Variants in PCSK6 observed in about 807,000 individuals in gnomAD.
PCSK6 encodes proprotein convertase subtilisin/kexin type 6, also known as paired basic amino acid cleaving enzyme 4.
Under a neutral mutation model 123.3 loss-of-function variants are expected in PCSK6, and 85 were observed. That is an observed-to-expected ratio of 0.69 (90% CI 0.58 to 0.83). The LOEUF (loss-of-function observed/expected upper bound fraction) is 0.83. PCSK6 is among the 40% of genes least tolerant of loss of function. PCSK6 has a pLI of 0.00. For missense variants in PCSK6, 1,191 were observed against 1,282.3 expected (o/e 0.93, Z 1.09); for synonymous variants, 508 against 516.0 (o/e 0.98, Z 0.21).
intron 8 of PCSK6, 108 bp from the exon 9 acceptor site, chr15:101,389,672 G>T: frequency 2.5e-6 from 2 of 809,798 alleles, no homozygotes; most frequent in Non-Finnish European, 4.0e-6. Context: ...CGTGACCCTG[G>T]GTCTCGGGAA....
At chr15:101,339,955 A>T (rs2040563059) in intron 13 of PCSK6, among the ~76,000 whole-genome samples, 1 of 151,582 alleles carries the variant, frequency 6.6e-6, no homozygotes, top group Non-Finnish European at 1.5e-5. Flanking sequence ...ACACACAGTA[A>T]TTTTTTGTGT....
In PCSK6 at chr15:101,305,273, G is replaced by C; in HGVS notation, c.2895C>G (p.Cys965Trp). 6.2e-7 allele frequency: 1 copy of C among 1,611,396 alleles called. No homozygotes were observed. Among genetic ancestry groups the C allele is most frequent in the Non-Finnish European group, 8.5e-7 (1 of 1,179,512 alleles). ...KLFIQFCCRT[C>W]LLAG is the part of the protein sequence containing the mutation. The stretch of plus-strand genomic sequence containing the variant: ...CTAGGCACCCTTACCCGGCCAGGAG[G>C]CACGTGCGGCAGCAGAACTGAATGA... The change falls in exon 22 of 22, where the codon TGC becomes TGG. Residue 965 changes from cysteine to tryptophan, a missense_variant. This residue lies in a region of PCSK6 where 630 missense variants were observed against 631.4 expected (regional missense o/e 1.00). Coordinates refer to ENST00000611716, the MANE Select transcript of PCSK6 (RefSeq NM_002570.5). The surrounding 1 kb of genome is among the most constrained non-coding windows in gnomAD (Gnocchi z 4.8).
rs1449665849 is a variant in PCSK6, at chr15:101,352,611, G to C, written c.1858+13585C>G. Among the ~76,000 whole-genome samples, 5 of 151,994 alleles carry C rather than the reference G, an allele frequency of 3.3e-5. No homozygotes were observed. In the South Asian group the frequency reaches 1.0e-3, roughly 32 times the overall value. On this transcript the variant is annotated intron_variant, in intron 13 of 21. Transcript: ENST00000611716. ...AGCATATCTCTGTGGCTTTATTAACGGACTATCCGTACTGTTCCCTTGATC... is the reference window on the plus strand; with the variant it reads ...AGCATATCTCTGTGGCTTTATTAACCGACTATCCGTACTGTTCCCTTGATC...
intron 13 of PCSK6, among the ~76,000 whole-genome samples, chr15:101,341,716 A>G (rs2040612827): frequency 6.6e-6 from 1 of 152,256 alleles, no homozygotes; most frequent in Non-Finnish European, 1.5e-5. Flanking sequence ...GTTTGATAAG[A>G]AATGGTAAAG....
At chr15:101,352,324 T>C (rs991176155) in intron 13 of PCSK6, among the ~76,000 whole-genome samples, 15 of 151,920 alleles carry the variant, frequency 9.9e-5, no homozygotes, top group African/African-American at 3.4e-4. Context: ...ATTTTTTGTA[T>C]TTTTAGTAGA....
chr15:101,393,125 C>T, intron 8 of PCSK6, 87 bp downstream of exon 8: 1 of 1,097,210 alleles, frequency 9.1e-7, no homozygotes, highest in Non-Finnish European at 1.4e-6. Context: ...TCAATCTAAG[C>T]CATCTTTCTG....
chr15:101,425,168 T>G (rs922408315), intron 6 of PCSK6, among the ~76,000 whole-genome samples: 2 of 152,132 alleles, frequency 1.3e-5, no homozygotes, highest in African/African-American at 4.8e-5. Context: ...GGCGTGGGGC[T>G]GGGGTGAGCA....
chr15:101,388,774 G>C (rs911670266), intron 9 of PCSK6, among the ~76,000 whole-genome samples: 2 of 152,214 alleles, frequency 1.3e-5, no homozygotes. Context: ...AAGACGTTAT[G>C]TGAAGTGAAA....
chr15:101,463,094 C>T (rs746594059), intron 1 of PCSK6: 4 of 459,804 alleles, frequency 8.7e-6, no homozygotes, highest in Non-Finnish European at 1.3e-5. Flanking sequence ...TCCTCACCTT[C>T]CTAAAACTGT....
intron 19 of PCSK6, among the ~76,000 whole-genome samples, chr15:101,316,738 G>A (rs912077667): frequency 1.3e-5 from 2 of 152,092 alleles, no homozygotes; most frequent in African/African-American, 4.8e-5. Flanking sequence ...ATCATAGGAG[G>A]ACACTGGCCT....
chr15:101,461,117 C>T (rs1347291155), intron 1 of PCSK6, among the ~76,000 whole-genome samples: 1 of 152,078 alleles, frequency 6.6e-6, no homozygotes, highest in Non-Finnish European at 1.5e-5. Context: ...AAACCCATGG[C>T]ACCACTGATA....
chr15:101,405,261 T>C (rs1309863706), intron 6 of PCSK6, among the ~76,000 whole-genome samples: 1 of 152,228 alleles, frequency 6.6e-6, no homozygotes, highest in Non-Finnish European at 1.5e-5. Context: ...AAATTTGATT[T>C]GGGCAAATTG....
intron 6 of PCSK6, among the ~76,000 whole-genome samples, chr15:101,412,625 T>A (rs1040654640): frequency 1.4e-5 from 2 of 145,236 alleles, no homozygotes; most frequent in African/African-American, 5.1e-5. Flanking sequence ...AATACAATAA[T>A]CAAAAAGCTC....
chr15:101,401,010 G>A (rs1162046793), intron 6 of PCSK6, among the ~76,000 whole-genome samples: 1 of 152,218 alleles, frequency 6.6e-6, no homozygotes, highest in Non-Finnish European at 1.5e-5. Flanking sequence ...AGGCCAGGTA[G>A]GATAGTTGGT....
At chr15:101,344,426 T>C (rs763862031) in intron 13 of PCSK6, among the ~76,000 whole-genome samples, 3 of 152,214 alleles carry the variant, frequency 2.0e-5, no homozygotes, top group Non-Finnish European at 2.9e-5. Context: ...GAGCTACATA[T>C]GAAGCTCCAA....
chr15:101,363,940 C>T lies in PCSK6; in HGVS notation c.1858+2256G>A, dbSNP rs763274203. Among the ~76,000 whole-genome samples, 7 of 152,034 alleles carry T rather than the reference C, an allele frequency of 4.6e-5. No homozygotes were observed. In the East Asian group the frequency reaches 5.8e-4, roughly 13 times the overall value. On this transcript the variant is annotated intron_variant, in intron 13 of 21. Coordinates refer to ENST00000611716, the MANE Select transcript of PCSK6 (RefSeq NM_002570.5). ...GGCATGAGCCACCGCGCCCAGCCAACGCTTTCTTAAAATAGTTATTTACTA... is the reference window on the plus strand; with the variant it reads ...GGCATGAGCCACCGCGCCCAGCCAATGCTTTCTTAAAATAGTTATTTACTA...
intron 13 of PCSK6, among the ~76,000 whole-genome samples, chr15:101,333,083 C>A (rs2040403676): frequency 6.6e-6 from 1 of 152,184 alleles, no homozygotes; most frequent in Admixed American, 6.5e-5. Flanking sequence ...CAAAGAGCAT[C>A]TATGCAATTA....
intron 6 of PCSK6, among the ~76,000 whole-genome samples, chr15:101,411,430 C>T (rs1041018707): frequency 5.9e-5 from 9 of 152,114 alleles, no homozygotes; most frequent in African/African-American, 2.2e-4. Context: ...AGAAGAAATG[C>T]TATCAAGCAA....
chr15:101,363,575 T>G, intron 13 of PCSK6, among the ~76,000 whole-genome samples: 1 of 152,246 alleles, frequency 6.6e-6, no homozygotes, highest in East Asian at 1.9e-4. Flanking sequence ...TATTAAAATG[T>G]GTAAATTTCA....
Sources: gnomAD v4.1 joint callset for allele counts (sites outside exome capture counted in the v4.1 genomes callset) on GRCh38, gnomAD v4.1.1 for gene constraint, gnomAD v4.1.1 regional missense constraint, Gnocchi (gnomAD v3.1) non-coding constraint, MANE v1.5 for transcripts, NCBI Gene and HGNC (gene_info 2026-07-23, HGNC 2026-07-21) for gene names.